The following TRPV6 variants were observed in gnomAD, a reference collection of about 807,000 sequenced individuals.
TRPV6 encodes Alu-binding protein with zinc finger domain.
A neutral mutation model predicts 79.0 loss-of-function variants in TRPV6; 39 were observed. The ratio of observed to expected loss-of-function variants is 0.49; its 90% CI spans 0.38 to 0.64. TRPV6 has a LOEUF of 0.64. Ranked by LOEUF, TRPV6 falls within the 30% of genes least tolerant of loss-of-function variation. The pLI, the probability that TRPV6 is intolerant of heterozygous loss-of-function variation, is 0.00. For missense variants in TRPV6, 813 were observed against 1,011.1 expected (o/e 0.80, Z 2.66); for synonymous variants, 373 against 391.9 (o/e 0.95, Z 0.57).
At chr7:142,876,086 T>C (rs1463891038) in intron 6 of TRPV6, 182 bp from the exon 7 acceptor site, 2 of 701,884 alleles carry the variant, frequency 2.8e-6, no homozygotes, top group Middle Eastern at 3.7e-4. Context: ...TTCCTCATCC[T>C]CTCCCATGAC....
chr7:142,878,802 C>A (rs1258291130), intron 1 of TRPV6: 2 of 152,254 alleles, frequency 1.3e-5, no homozygotes, highest in African/African-American at 4.8e-5. Context: ...GGATCAGCAG[C>A]AGCACATGAG....
In TRPV6 at chr7:142,874,896, A is replaced by C; in HGVS notation, c.1406+8T>G. On this transcript the variant is annotated splice_region_variant and intron_variant, in intron 10 of 14. Coordinates refer to ENST00000359396, the MANE Select transcript of TRPV6 (RefSeq NM_018646.6). ...GGAAGGGATGGGAGTGAGAGGAAGGAAACTCACATGAGGACATGGAATGGG... is the reference window on the plus strand; with the variant it reads ...GGAAGGGATGGGAGTGAGAGGAAGGCAACTCACATGAGGACATGGAATGGG... 1 of 1,613,858 alleles carries C rather than the reference A, an allele frequency of 6.2e-7. No homozygotes were observed. Among genetic ancestry groups the C allele is most frequent in the African/African-American group, 1.3e-5 (1 of 74,846 alleles).
At chr7:142,875,724 C>T in intron 7 of TRPV6, 34 bp downstream of exon 7, 2 of 1,599,148 alleles carry the variant, frequency 1.3e-6, no homozygotes, top group South Asian at 1.1e-5. Flanking sequence ...CCTGACACCC[C>T]TCCCCAGCCA....
chr7:142,871,851 G>A lies in TRPV6; in HGVS notation c.2154C>T (p.Ser718=). ...TTCGAGACACTGAGGGCATAGGAAG[G>A]GACAGGTGGGGGCTGAAGGGACAGC... Residue 718 remains serine (S), a synonymous_variant, in exon 15 of 15, where the codon TCC becomes TCT. Coordinates refer to ENST00000359396, the MANE Select transcript of TRPV6 (RefSeq NM_018646.6). The A allele has an allele frequency of 6.2e-7, 1 of 1,614,176 alleles. No individual in the cohort carries two copies. Among genetic ancestry groups the A allele is most frequent in the East Asian group, 2.2e-5 (1 of 44,870 alleles).
chr7:142,885,195 C>G (rs1795279390), intron 1 of TRPV6, 194 bp downstream of exon 1: 1 of 552,474 alleles, frequency 1.8e-6, no homozygotes, highest in Admixed American at 3.5e-5. Context: ...GTGCCCATCT[C>G]AACCCCATCC....
chr7:142,875,169 TG>T lies in TRPV6; in HGVS notation c.1243-6del. On this transcript the variant is annotated splice_region_variant and splice_polypyrimidine_tract_variant and intron_variant, in intron 8 of 14. Coordinates refer to ENST00000359396, the MANE Select transcript of TRPV6 (RefSeq NM_018646.6). ...CTTAGGGGTCATGTAGGCTTCCTAA[TG>T]GGGGAGAAGAACAGTCAAAATGCTC... 2 of 1,613,886 alleles carry T rather than the reference TG, an allele frequency of 1.2e-6. No homozygotes were observed. Among genetic ancestry groups the T allele is most frequent in the Non-Finnish European group, 1.7e-6 (2 of 1,179,954 alleles).
In TRPV6 at chr7:142,876,464, G is replaced by A. The variant is rs201860767; in HGVS notation, c.826C>T (p.Pro276Ser). The change falls in exon 6 of 15, where the codon CCC (proline) becomes TCC (serine). Residue 276 changes from proline (P) to serine (S), a missense_variant. Transcript: ENST00000359396. ...AAAGGGGTGAGACCCTGGTGATTGG[G>A]CACGAGGTCCAGGGGCTGCAGGTGG... is the stretch of plus-strand genomic sequence containing the variant. 2 of 1,614,160 alleles carry A rather than the reference G, an allele frequency of 1.2e-6. No homozygotes were observed. The highest frequency in any genetic ancestry group is 2.2e-5 in the East Asian group (1 of 44,866).
At chr7:142,880,399 C>T (rs901427500) in intron 1 of TRPV6, 3 of 152,232 alleles carry the variant, frequency 2.0e-5, no homozygotes, top group Non-Finnish European at 4.4e-5. Context: ...TGTGTCCCTT[C>T]CTCTATGCTA....
At chr7:142,878,265 C>A in intron 1 of TRPV6, 1 of 575,586 alleles carries the variant, frequency 1.7e-6, no homozygotes, top group South Asian at 2.1e-5. Context: ...TGGTTTCCTT[C>A]CCCCCTACCG....
Position 142,873,423 on chromosome 7 carries a change from C to T in TRPV6, c.1908+25G>A. On this transcript the variant is annotated intron_variant, in intron 13 of 14. Transcript: ENST00000359396. The surrounding 1 kb of genome is among the most constrained non-coding windows in gnomAD (Gnocchi z 4.8). ...GTAGGAAGGGGATGACTTGCCCTAACCCTCCCTGCCACCAGGGGGCTCACC... is the reference window on the plus strand; with the variant it reads ...GTAGGAAGGGGATGACTTGCCCTAATCCTCCCTGCCACCAGGGGGCTCACC... The T allele has an allele frequency of 1.2e-6, 2 of 1,610,876 alleles. No individual in the cohort carries two copies. Among genetic ancestry groups the T allele is most frequent in the Non-Finnish European group, 1.7e-6 (2 of 1,177,972 alleles).
intron 1 of TRPV6, chr7:142,878,350 G>C (rs1213764918): frequency 2.6e-6 from 1 of 385,132 alleles, no homozygotes; most frequent in Non-Finnish European, 4.9e-6. Context: ...GGAGTTCTAT[G>C]TAGACATGTG....
In TRPV6 at chr7:142,875,122, C is replaced by A; in HGVS notation, c.1285G>T (p.Glu429Ter). ...ATAGCCCCAATGACAGTCACCAGCT[C>A]CCCGACCAGCCGGATATCGTCCTTA... The change falls in exon 9 of 15, where the codon GAG becomes TAG. Residue 429 changes from glutamate (E) to a stop codon, truncating the protein, a stop_gained. Coordinates refer to ENST00000359396, the MANE Select transcript of TRPV6 (RefSeq NM_018646.6). LOFTEE classifies it high-confidence loss of function. The A allele has an allele frequency of 6.2e-7, 1 of 1,614,176 alleles. No homozygotes were observed. Among genetic ancestry groups the A allele is most frequent in the Non-Finnish European group, 8.5e-7 (1 of 1,180,032 alleles).
Position 142,876,829 on chromosome 7 carries a change from G to A in TRPV6, c.616C>T (p.Pro206Ser). 6.2e-7 allele frequency: 1 copy of A among 1,614,088 alleles called. No homozygotes were observed. Among genetic ancestry groups the A allele is most frequent in the African/African-American group, 1.3e-5 (1 of 75,012 alleles). ...TTCACACAGGCAGCAAAGGACAAAG[G>A]GTGCTCCCCTGTGGACACAGAGAGA... is the stretch of plus-strand genomic sequence containing the variant. The change falls in exon 5 of 15, where the codon CCT becomes TCT. Residue 206 changes from proline to serine, a missense_variant. This residue lies in a region of TRPV6 where 555 missense variants were observed against 631.0 expected (regional missense o/e 0.88). Coordinates refer to ENST00000359396, the MANE Select transcript of TRPV6 (RefSeq NM_018646.6).
At chr7:142,882,720 G>C (rs1340412022) in intron 1 of TRPV6, 1 of 152,154 alleles carries the variant, frequency 6.6e-6, no homozygotes, top group Non-Finnish European at 1.5e-5. Context: ...TTACAAGTAG[G>C]CATGTGTGTA....
intron 7 of TRPV6, 21 bp from the exon 8 acceptor site, chr7:142,875,701 G>T (rs373218702): frequency 2.9e-5 from 46 of 1,606,058 alleles, no homozygotes; most frequent in African/African-American, 5.4e-5. Flanking sequence ...AAGAGAACAG[G>T]TGGCTCAGAG....
chr7:142,875,400 G>T, intron 8 of TRPV6, 68 bp downstream of exon 8: 1 of 1,476,202 alleles, frequency 6.8e-7, no homozygotes, highest in Non-Finnish European at 9.1e-7. Context: ...AGGGAGGAAA[G>T]GGACACCAGT....
chr7:142,871,545 C>A lies in TRPV6; in HGVS notation c.*162G>T, dbSNP rs1195262965. The A allele has an allele frequency of 2.3e-6, 2 of 879,036 alleles. No individual in the cohort carries two copies. The highest frequency in any genetic ancestry group is 3.4e-5 in the African/African-American group (2 of 59,074). The allele number at this position is 879,036 out of a possible 1,614,324, so 54.5% of individuals were successfully genotyped here. On this transcript the variant is annotated 3_prime_UTR_variant, in exon 15 of 15. Transcript: ENST00000359396. Reference sequence around the variant, plus strand: ...CCCAGAGCTGAAGGAGTAATGCAGGCCTGGAGCAGTGATTCTCAACGTACA... The same window carrying A: ...CCCAGAGCTGAAGGAGTAATGCAGGACTGGAGCAGTGATTCTCAACGTACA...
Position 142,871,530 on chromosome 7 carries a change from A to T in TRPV6, c.*177T>A, listed in dbSNP as rs1794928337. 3 of 777,432 alleles carry T rather than the reference A, an allele frequency of 3.9e-6. No homozygotes were observed. The Admixed American group carries it at 9.4e-5, about 24-fold the overall frequency. 48.2% of individuals were successfully genotyped at this position (777,432 alleles called of 1,614,324 possible). A position where few individuals can be genotyped will look rare whatever the true frequency, so the allele number is the denominator to read the frequency against. On this transcript the variant is annotated 3_prime_UTR_variant, in exon 15 of 15. Coordinates refer to ENST00000359396, the MANE Select transcript of TRPV6 (RefSeq NM_018646.6). The stretch of plus-strand genomic sequence containing the variant: ...CTGGGCTTCCTCTGCCCCAGAGCTG[A>T]AGGAGTAATGCAGGCCTGGAGCAGT...
intron 1 of TRPV6, 69 bp downstream of exon 1, chr7:142,885,320 A>C: frequency 2.7e-6 from 4 of 1,499,962 alleles, no homozygotes; most frequent in Non-Finnish European, 3.6e-6. Context: ...ACGGGAGGTG[A>C]GGGAGGGGTG....
Sources: allele counts gnomAD v4.1 joint callset, GRCh38; gene constraint gnomAD v4.1.1; regional missense constraint gnomAD v4.1.1; non-coding constraint Gnocchi (gnomAD v3.1); transcripts MANE v1.5; gene names NCBI Gene and HGNC (gene_info 2026-07-23, HGNC 2026-07-21).